The following PCNX1 variants were observed in gnomAD, a reference collection of about 807,000 sequenced individuals.
PCNX1 encodes the protein pecanex-like protein 1.
PCNX1 carries 78 observed loss-of-function variants against 242.2 expected under a neutral mutation model. The ratio of observed to expected loss-of-function variants is 0.32; its 90% CI spans 0.27 to 0.39. The LOEUF is 0.39. Among genes scored for constraint, PCNX1 ranks in the 10% least tolerant of loss-of-function variants. PCNX1 has a pLI of 1.00. For synonymous variants in PCNX1, 1,024 were observed against 1,032.9 expected (o/e 0.99, Z 0.17); for missense variants, 2,581 against 2,856.5 (o/e 0.90, Z 2.20).
chr14:71,025,069 T>A (rs2060204181), intron 13 of PCNX1, among the ~76,000 whole-genome samples: 1 of 152,218 alleles, frequency 6.6e-6, no homozygotes, highest in African/African-American at 2.4e-5. Context: ...TCAGTTATCA[T>A]TTATTGGTTG....
chr14:71,051,479 C>T (rs1316950484), intron 23 of PCNX1, among the ~76,000 whole-genome samples: 1 of 152,106 alleles, frequency 6.6e-6, no homozygotes, highest in East Asian at 1.9e-4. Context: ...AAATTTTCTA[C>T]TCCCACGATT....
At chr14:71,086,803 C>A (rs1034991054) in intron 28 of PCNX1, among the ~76,000 whole-genome samples, 3 of 152,142 alleles carry the variant, frequency 2.0e-5, no homozygotes, top group Non-Finnish European at 2.9e-5. Context: ...GTGCTGTGGT[C>A]TGGAAACTCT....
At position 71,113,457 on chromosome 14, in the gene PCNX1, C is replaced by T. The variant is rs2062792869; in HGVS notation, c.*3522C>T. On this transcript the variant is annotated 3_prime_UTR_variant, in exon 36 of 36. Coordinates refer to ENST00000304743, the MANE Select transcript of PCNX1 (RefSeq NM_014982.3). ...TTTCTGAATTAGTTTATTTTTCCAT[C>T]ACATACCAAAATATAAAAATCAGCC... 2 of 152,606 alleles carry T rather than the reference C, an allele frequency of 1.3e-5. No individual in the cohort carries two copies. Among genetic ancestry groups the T allele is most frequent in the Admixed American group, 1.3e-4 (2 of 15,270 alleles). 9.5% of individuals were successfully genotyped at this position (152,606 alleles called of 1,614,324 possible).
intron 1 of PCNX1, among the ~76,000 whole-genome samples, chr14:70,910,103 TCCTCCC>T (rs2055794098): frequency 1.9e-5 from 1 of 52,716 alleles, no homozygotes; most frequent in Non-Finnish European, 3.5e-5. Context: ...CTCCCCCTCC[TCCTCCC>T]CCTCCTCCTC....
intron 1 of PCNX1, among the ~76,000 whole-genome samples, chr14:70,943,661 CGAG>C (rs1183194083): frequency 4.6e-5 from 7 of 152,302 alleles, no homozygotes; most frequent in South Asian, 4.1e-4. Flanking sequence ...GCATAAGTAA[CGAG>C]GAGCCAAATG....
chr14:70,981,313 G>T (rs1486136234), intron 6 of PCNX1, among the ~76,000 whole-genome samples: 2 of 152,146 alleles, frequency 1.3e-5, no homozygotes, highest in Non-Finnish European at 2.9e-5. Context: ...TAAAGTAGAA[G>T]AAAGTGATTA....
At chr14:70,912,475 A>G (rs541568536) in intron 1 of PCNX1, among the ~76,000 whole-genome samples, 30 of 152,154 alleles carry the variant, frequency 2.0e-4, no homozygotes, top group African/African-American at 6.0e-4. Context: ...CTGCTACTCA[A>G]CGTACCTCTT....
At chr14:71,051,380 A>T (rs960872420) in intron 23 of PCNX1, among the ~76,000 whole-genome samples, 9 of 152,110 alleles carry the variant, frequency 5.9e-5, no homozygotes, top group African/African-American at 2.2e-4. Flanking sequence ...ACATACAAGA[A>T]ATGTTTAGCA....
At chr14:70,981,110 C>G (rs1329750490) in intron 6 of PCNX1, among the ~76,000 whole-genome samples, 1 of 152,090 alleles carries the variant, frequency 6.6e-6, no homozygotes, top group African/African-American at 2.4e-5. Flanking sequence ...AAGCTACTTA[C>G]AAACCTCAGC....
At chr14:71,068,934 A>AT in intron 26 of PCNX1, among the ~76,000 whole-genome samples, 1 of 152,062 alleles carries the variant, frequency 6.6e-6, no homozygotes, top group East Asian at 1.9e-4. Flanking sequence ...ATAAGTGCCT[A>AT]TATTAGTCTG....
intron 24 of PCNX1, 89 bp downstream of exon 24, chr14:71,052,101 A>G: frequency 1.0e-6 from 1 of 954,188 alleles, no homozygotes; most frequent in Non-Finnish European, 1.5e-6. Flanking sequence ...TTTATGGTTC[A>G]TAATTTATTG....
chr14:70,961,837 C>T (rs188547917), intron 2 of PCNX1, among the ~76,000 whole-genome samples: 45 of 152,240 alleles, frequency 3.0e-4, no homozygotes, highest in East Asian at 2.5e-3. Context: ...TGATTACATT[C>T]TGTGTTTACA....
chr14:70,939,360 T>G (rs556394647), intron 1 of PCNX1, among the ~76,000 whole-genome samples: 1 of 152,340 alleles, frequency 6.6e-6, no homozygotes, highest in East Asian at 1.9e-4. Flanking sequence ...TCAAAGAACA[T>G]CTTTATTTCT....
chr14:71,108,496 C>T, intron 33 of PCNX1, 108 bp from the exon 34 acceptor site: 1 of 773,862 alleles, frequency 1.3e-6, no homozygotes, highest in Non-Finnish European at 2.1e-6. Context: ...TAAGTTCTGT[C>T]AGTTCACCAA....
chr14:70,993,123 A>AG (rs2059217245), intron 7 of PCNX1, among the ~76,000 whole-genome samples: 1 of 115,990 alleles, frequency 8.6e-6, no homozygotes, highest in Non-Finnish European at 1.7e-5. Flanking sequence ...TATCTAAATT[A>AG]ATTTTTTTTT....
chr14:71,080,863 T>C (rs1417978084), intron 28 of PCNX1, among the ~76,000 whole-genome samples: 1 of 152,182 alleles, frequency 6.6e-6, no homozygotes, highest in Non-Finnish European at 1.5e-5. Flanking sequence ...CCTTTATTTC[T>C]TTCTCTTGGC....
chr14:71,103,334 C>G (rs2062513965), intron 31 of PCNX1, 61 bp from the exon 32 acceptor site: 2 of 1,550,458 alleles, frequency 1.3e-6, no homozygotes, highest in East Asian at 4.5e-5. Context: ...TTCTGCTCTT[C>G]TGTTTCTGTG....
chr14:71,073,693 A>G lies in PCNX1; in HGVS notation c.5001A>G (p.Ile1667Met). 1 of 1,614,086 alleles carries G rather than the reference A, an allele frequency of 6.2e-7. No homozygotes were observed. Among genetic ancestry groups the G allele is most frequent in the Non-Finnish European group, 8.5e-7 (1 of 1,179,958 alleles). ...FSQRWLAWEVIVTKYILEGYS... is the reference protein window; with the variant it reads ...FSQRWLAWEVMVTKYILEGYS... The stretch of plus-strand genomic sequence containing the variant: ...AGCGATGGCTAGCTTGGGAAGTGAT[A>G]GTCACAAAGTACATTCTGGAGGGTT... The change falls in exon 27 of 36, where the codon ATA becomes ATG. Residue 1667 changes from isoleucine (I) to methionine (M), a missense_variant. By Grantham distance (10) the Ile-to-Met change is conservative (BLOSUM62 1). This residue lies in a region of PCNX1 where 298 missense variants were observed against 480.1 expected (regional missense o/e 0.62). Coordinates refer to ENST00000304743, the MANE Select transcript of PCNX1 (RefSeq NM_014982.3).
At chr14:71,020,186 TG>T (rs1335175169) in intron 12 of PCNX1, among the ~76,000 whole-genome samples, 8 of 152,256 alleles carry the variant, frequency 5.3e-5, no homozygotes, top group African/African-American at 1.9e-4. Context: ...CTATCATTGA[TG>T]GGCATTTGGG....
Sources: allele counts gnomAD v4.1 joint callset (sites outside exome capture counted in the v4.1 genomes callset), GRCh38; gene constraint gnomAD v4.1.1; regional missense constraint gnomAD v4.1.1; transcripts MANE v1.5; gene names NCBI Gene and HGNC (gene_info 2026-07-23, HGNC 2026-07-21).